The following PHLPP1 variants were observed in gnomAD, a reference collection of about 807,000 sequenced individuals.
The protein encoded by PHLPP1 is PH domain and leucine rich repeat protein phosphatase 1, also known as PH domain leucine-rich repeat-containing protein phosphatase 1.
In PHLPP1, 42 loss-of-function variants were observed where a neutral mutation model predicts 117.2. The ratio of observed to expected loss-of-function variants is 0.36; its 90% confidence interval spans 0.28 to 0.46. PHLPP1 has a LOEUF of 0.46. Ranked by LOEUF, PHLPP1 falls within the 20% of genes least tolerant of loss-of-function variation. The probability of loss-of-function intolerance (pLI) is 1.00; values close to 1 mark genes in which losing one functional copy is unlikely to be tolerated. For synonymous variants in PHLPP1, 1,042 were observed against 970.7 expected (o/e 1.07, Z -1.37); for missense variants, 2,084 against 2,241.9 (o/e 0.93, Z 1.42).
rs180886457 is a variant in PHLPP1, at chr18:62,967,472, G to T, written c.3560+4000G>T. Among the ~76,000 whole-genome samples, 53 of 151,998 alleles carry T rather than the reference G, an allele frequency of 3.5e-4. No individual in the cohort carries two copies. In the East Asian group the frequency reaches 9.5e-3, roughly 27 times the overall value. On this transcript the variant is annotated intron_variant, in intron 14 of 16. Coordinates refer to ENST00000262719, the MANE Select transcript of PHLPP1 (RefSeq NM_194449.4). ...TAATATCTCATTGTGGTTTTAATTT[G>T]CATTTCCCTACTCTTTCCATATGTT...
intron 4 of PHLPP1, among the ~76,000 whole-genome samples, chr18:62,866,572 A>G (rs561982708): frequency 6.6e-6 from 1 of 152,282 alleles, no homozygotes; most frequent in South Asian, 2.1e-4. Context: ...AAAACGCTGT[A>G]TAGTTAATGC....
chr18:62,978,492 G>C lies in PHLPP1; in HGVS notation c.4215G>C (p.Leu1405=). ...CTGCTGCCAAGAAGCTGTGTACCCTGGCCCAGAGCTACGGCTGCCACGACA... is the reference window on the plus strand; with the variant it reads ...CTGCTGCCAAGAAGCTGTGTACCCTCGCCCAGAGCTACGGCTGCCACGACA... The part of the protein sequence containing the change: ...ALAAAKKLCT[L]AQSYGCHDSI... The change falls in exon 17 of 17, where the codon CTG becomes CTC. Residue 1405 remains leucine, a synonymous_variant. Coordinates refer to ENST00000262719, the MANE Select transcript of PHLPP1 (RefSeq NM_194449.4). The surrounding 1 kb of genome is among the most constrained non-coding windows in gnomAD (Gnocchi z 7.0). 1 of 1,609,230 alleles carries C rather than the reference G, an allele frequency of 6.2e-7. No individual in the cohort carries two copies. The highest frequency in any genetic ancestry group is 2.2e-5 in the East Asian group (1 of 44,646).
At chr18:62,848,455 A>ATTTTTTT (rs56223512) in intron 3 of PHLPP1, among the ~76,000 whole-genome samples, 12 of 88,548 alleles carry the variant, frequency 1.4e-4, no homozygotes, top group African/African-American at 2.3e-4. Flanking sequence ...TTTTTTGTTG[A>ATTTTTTT]TTTTTTTTTT....
intron 4 of PHLPP1, among the ~76,000 whole-genome samples, chr18:62,887,556 C>T (rs1378492732): frequency 6.6e-6 from 1 of 152,160 alleles, no homozygotes; most frequent in Non-Finnish European, 1.5e-5. Flanking sequence ...TGCAGCTTTC[C>T]TCCTTTCGTC....
chr18:62,854,693 CTTTTTTTTT>C, intron 3 of PHLPP1, among the ~76,000 whole-genome samples: 1 of 84,998 alleles, frequency 1.2e-5, no homozygotes, highest in Non-Finnish European at 2.5e-5. Context: ...GATCCTGCTA[CTTTTTTTTT>C]TTTTTTTTTT....
chr18:62,979,142 G>A lies in PHLPP1; in HGVS notation c.4865G>A (p.Arg1622Lys). 1 of 1,613,952 alleles carries A rather than the reference G, an allele frequency of 6.2e-7. No homozygotes were observed. Among genetic ancestry groups the A allele is most frequent in the Admixed American group, 1.7e-5 (1 of 60,018 alleles). Residue 1622 changes from arginine to lysine, a missense_variant, in exon 17 of 17, where the codon AGG (arginine) becomes AAG (lysine). Physicochemically the swap from Arg to Lys is conservative, Grantham distance 26. Coordinates refer to ENST00000262719, the MANE Select transcript of PHLPP1 (RefSeq NM_194449.4). ...FSAVGTIGRR[R>K]ANGSVAPQER... Reference sequence around the variant, plus strand: ...GCCGTTGGGACCATTGGGCGCCGGAGGGCCAATGGCTCTGTTGCGCCCCAG... The same window carrying A: ...GCCGTTGGGACCATTGGGCGCCGGAAGGCCAATGGCTCTGTTGCGCCCCAG...
chr18:62,947,680 G>T (rs1040998640), intron 12 of PHLPP1, among the ~76,000 whole-genome samples: 1 of 152,180 alleles, frequency 6.6e-6, no homozygotes, highest in Non-Finnish European at 1.5e-5. Flanking sequence ...ACTCTTAAAT[G>T]TAGATTTAGA....
rs1272585482 is a variant in PHLPP1, at chr18:62,759,515, G to A, written c.1576+42256G>A. Among the ~76,000 whole-genome samples, 5 of 152,102 alleles carry A rather than the reference G, an allele frequency of 3.3e-5. No homozygotes were observed. In the East Asian group the frequency reaches 7.7e-4, roughly 23 times the overall value. On this transcript the variant is annotated intron_variant, in intron 1 of 16. Transcript: ENST00000262719. Reference sequence around the variant, plus strand: ...TGAGTATGTTCTCATTTGTGTCTTTGGCTTAAGTAATATTTGTCAAAATCT... The same window carrying A: ...TGAGTATGTTCTCATTTGTGTCTTTAGCTTAAGTAATATTTGTCAAAATCT...
At chr18:62,946,737 C>T (rs1478119138) in intron 12 of PHLPP1, among the ~76,000 whole-genome samples, 1 of 152,112 alleles carries the variant, frequency 6.6e-6, no homozygotes, top group Non-Finnish European at 1.5e-5. Flanking sequence ...ATCACAGTGG[C>T]ATTTTAAGAT....
chr18:62,779,877 G>A (rs1457356515), intron 1 of PHLPP1, among the ~76,000 whole-genome samples: 1 of 152,180 alleles, frequency 6.6e-6, no homozygotes, highest in Admixed American at 6.5e-5. Flanking sequence ...CTTGGCTGAG[G>A]CAGGCTGGTA....
intron 1 of PHLPP1, among the ~76,000 whole-genome samples, chr18:62,786,138 C>A (rs939659178): frequency 6.6e-6 from 1 of 152,170 alleles, no homozygotes; most frequent in Non-Finnish European, 1.5e-5. Flanking sequence ...CATTACATTT[C>A]TTAATATAGG....
intron 1 of PHLPP1, among the ~76,000 whole-genome samples, chr18:62,754,411 T>C (rs1911948795): frequency 6.6e-6 from 1 of 152,250 alleles, no homozygotes; most frequent in African/African-American, 2.4e-5. Flanking sequence ...TTCATACTTT[T>C]TTTCCCCTCC....
chr18:62,772,439 G>A (rs1912813416), intron 1 of PHLPP1, among the ~76,000 whole-genome samples: 2 of 152,058 alleles, frequency 1.3e-5, no homozygotes, highest in Admixed American at 1.3e-4. Context: ...CAGGAAAAGC[G>A]AGATCACTAG....
intron 12 of PHLPP1, among the ~76,000 whole-genome samples, chr18:62,956,335 C>A (rs1431219983): frequency 6.6e-6 from 1 of 152,154 alleles, no homozygotes; most frequent in Non-Finnish European, 1.5e-5. Flanking sequence ...AGTGAACAAG[C>A]TGACTGGGCC....
chr18:62,754,621 G>A (rs558343574), intron 1 of PHLPP1, among the ~76,000 whole-genome samples: 2 of 152,296 alleles, frequency 1.3e-5, no homozygotes, highest in Non-Finnish European at 1.5e-5. Flanking sequence ...TCAAAAGTAG[G>A]CCTCTCCAGA....
intron 1 of PHLPP1, among the ~76,000 whole-genome samples, chr18:62,807,760 A>G (rs1913991071): frequency 6.6e-6 from 1 of 152,200 alleles, no homozygotes; most frequent in African/African-American, 2.4e-5. Context: ...TATAGAAAAA[A>G]ATAATAGTAA....
intron 2 of PHLPP1, chr18:62,838,159 G>A (rs926071273): frequency 2.6e-5 from 4 of 152,022 alleles, no homozygotes; most frequent in African/African-American, 4.8e-5. Context: ...AGTTCTAAGC[G>A]TTTTAAGATT....
chr18:62,852,703 G>A (rs917415438), intron 3 of PHLPP1, among the ~76,000 whole-genome samples: 3 of 152,184 alleles, frequency 2.0e-5, no homozygotes, highest in African/African-American at 7.2e-5. Flanking sequence ...CAGCTGCTTT[G>A]ACCAAGCCTT....
chr18:62,775,865 A>C (rs1381297737), intron 1 of PHLPP1, among the ~76,000 whole-genome samples: 1 of 152,084 alleles, frequency 6.6e-6, no homozygotes, highest in Non-Finnish European at 1.5e-5. Context: ...TCTACCCTTG[A>C]CCTAGGGAAC....
Sources: allele counts gnomAD v4.1 joint callset (sites outside exome capture counted in the v4.1 genomes callset), GRCh38; gene constraint gnomAD v4.1.1; non-coding constraint Gnocchi (gnomAD v3.1); transcripts MANE v1.5; gene names NCBI Gene and HGNC (gene_info 2026-07-23, HGNC 2026-07-21).